BAG6: variants seen among roughly 807,000 people sequenced by gnomAD.
BAG6 encodes large proline-rich protein BAG6.
A neutral mutation model predicts 121.0 loss-of-function variants in BAG6; 22 were observed. The ratio of observed to expected loss-of-function variants is 0.18; its 90% CI spans 0.13 to 0.26. BAG6 has a LOEUF of 0.26. BAG6 is among the 10% of genes least tolerant of loss of function. The pLI is 1.00. For missense variants in BAG6, 1,233 were observed against 1,537.7 expected (o/e 0.80, Z 3.31); for synonymous variants, 583 against 584.6 (o/e 1.00, Z 0.04).
At position 31,641,080 on chromosome 6, in the gene BAG6, G is replaced by A. The variant is rs1272838458; in HGVS notation, c.2787+24C>T. On this transcript the variant is annotated intron_variant, in intron 20 of 25. Transcript: ENST00000676615. The surrounding 1 kb of genome is among the most constrained non-coding windows in gnomAD (Gnocchi z 5.7). ...AAACCTCAGGAAACAAAAGGCTAAG[G>A]ATCTGGGGCTAGGTGGTGCTTACAA... 3.1e-6 allele frequency: 5 copies of A among 1,612,668 alleles called. No homozygotes were observed. The highest frequency in any genetic ancestry group is 4.2e-6 in the Non-Finnish European group (5 of 1,179,738).
At chr6:31,647,925 T>C in intron 6 of BAG6, 99 bp from the exon 7 acceptor site, 2 of 1,388,584 alleles carry the variant, frequency 1.4e-6, no homozygotes, top group Non-Finnish European at 1.9e-6. Context: ...CTAACTAGAC[T>C]CCCTGAAGGC....
Position 31,639,562 on chromosome 6 carries a change from T to C in BAG6, c.3331A>G (p.Ser1111Gly). 1 of 1,614,100 alleles carries C rather than the reference T, an allele frequency of 6.2e-7. No individual in the cohort carries two copies. Among genetic ancestry groups the C allele is most frequent in the African/African-American group, 1.3e-5 (1 of 75,036 alleles). The change falls in exon 25 of 26, where the codon AGC becomes GGC. Residue 1111 changes from serine (S) to glycine (G), a missense_variant. Around this residue, in one of 7 missense-constraint regions of BAG6, gnomAD observed 102 missense variants for 103.2 expected, o/e 0.99. Coordinates refer to ENST00000676615, the MANE Select transcript of BAG6 (RefSeq NM_001387994.1). Reference protein sequence around the residue: ...AKAAGARPLTSPESLSRDLEA... With the variant: ...AKAAGARPLTGPESLSRDLEA... ...AGGTCCCGGCTCAGGCTCTCGGGGCTCGTCAGGGGCCGAGCTCCGGCTGCC... is the reference window on the plus strand; with the variant it reads ...AGGTCCCGGCTCAGGCTCTCGGGGCCCGTCAGGGGCCGAGCTCCGGCTGCC...
chr6:31,651,532 C>G, intron 2 of BAG6, 124 bp downstream of exon 2: 1 of 807,902 alleles, frequency 1.2e-6, no homozygotes, highest in South Asian at 1.6e-5. Flanking sequence ...GGGCGTGACT[C>G]CATCTCAAAA....
chr6:31,649,263 G>A lies in BAG6; in HGVS notation c.359C>T (p.Pro120Leu). 4 of 1,613,098 alleles carry A rather than the reference G, an allele frequency of 2.5e-6. No individual in the cohort carries two copies. The highest frequency in any genetic ancestry group is 1.7e-5 in the Admixed American group (1 of 60,020). Residue 120 changes from proline to leucine, a missense_variant, in exon 4 of 26, where the codon CCT becomes CTT. Physicochemically the swap from Pro to Leu is moderately conservative, Grantham distance 98. Coordinates refer to ENST00000676615, the MANE Select transcript of BAG6 (RefSeq NM_001387994.1). The part of the protein sequence containing the change: ...GGGSPPGTRG[P>L]GASVHDRNAN... ...ATTCCGGTCATGAACAGAGGCCCCA[G>A]GCCCCCGAGTACCAGGGGGGGATCC...
chr6:31,652,056 G>T (rs1298261553), intron 1 of BAG6: 1 of 336,740 alleles, frequency 3.0e-6, no homozygotes, highest in Non-Finnish European at 5.7e-6. Flanking sequence ...AAGGAAGCAC[G>T]AGACCAGAGA....
chr6:31,643,649 G>A (rs564246822), intron 14 of BAG6, among the ~76,000 whole-genome samples: 3 of 147,826 alleles, frequency 2.0e-5, no homozygotes, highest in East Asian at 2.0e-4. Flanking sequence ...ACTTGAACCC[G>A]GGAGGCAGAG....
rs1786275384 is a variant in BAG6, at chr6:31,644,269, G to A, written c.1555+38C>T. 24 of 1,558,642 alleles carry A rather than the reference G, an allele frequency of 1.5e-5. No individual in the cohort carries two copies. The highest frequency in any genetic ancestry group is 2.0e-5 in the Non-Finnish European group (23 of 1,150,892). ...TGCCAGCCAGCTGCCACCATGGACTGTGCCCTACCTCCCAAGCCTCCCCTT... is the reference window on the plus strand; with the variant it reads ...TGCCAGCCAGCTGCCACCATGGACTATGCCCTACCTCCCAAGCCTCCCCTT... On this transcript the variant is annotated intron_variant, in intron 12 of 25. Coordinates refer to ENST00000676615, the MANE Select transcript of BAG6 (RefSeq NM_001387994.1). The surrounding 1 kb of genome is among the most constrained non-coding windows in gnomAD (Gnocchi z 4.9).
chr6:31,646,353 C>T (rs1353318806), intron 8 of BAG6, 41 bp downstream of exon 8: 2 of 1,600,826 alleles, frequency 1.2e-6, no homozygotes, highest in African/African-American at 1.3e-5. Context: ...TTTGGGAGTA[C>T]TGGGGCTGAG....
intron 5 of BAG6, 23 bp downstream of exon 5, chr6:31,648,888 G>A: frequency 6.5e-7 from 1 of 1,549,452 alleles, no homozygotes; most frequent in South Asian, 1.2e-5. Flanking sequence ...CCCCTTCCCT[G>A]ACCCTCGGAG....
intron 24 of BAG6, 104 bp from the exon 25 acceptor site, chr6:31,639,750 G>T: frequency 1.5e-6 from 2 of 1,305,788 alleles, no homozygotes; most frequent in African/African-American, 1.5e-5. Flanking sequence ...GAGTCTCCAT[G>T]CTAGTGGAGA....
At chr6:31,639,877 G>T in intron 24 of BAG6, 1 of 650,578 alleles carries the variant, frequency 1.5e-6, no homozygotes, top group Non-Finnish European at 2.6e-6. Context: ...AAAACGAAAG[G>T]CAGAAGGGGT....
intron 16 of BAG6, 71 bp downstream of exon 16, chr6:31,642,041 C>A: frequency 6.3e-7 from 1 of 1,594,498 alleles, no homozygotes; most frequent in Non-Finnish European, 8.6e-7. Flanking sequence ...GGCAACACCC[C>A]TAAACCAAGG....
chr6:31,643,471 C>T (rs1785009458), intron 14 of BAG6, among the ~76,000 whole-genome samples: 1 of 151,600 alleles, frequency 6.6e-6, no homozygotes, highest in East Asian at 1.9e-4. Flanking sequence ...AGCCTGTAAT[C>T]CCAGCACTTT....
chr6:31,646,624 A>G, intron 7 of BAG6, 101 bp from the exon 8 acceptor site: 1 of 1,488,850 alleles, frequency 6.7e-7, no homozygotes, highest in Non-Finnish European at 9.0e-7. Flanking sequence ...CTGGTCTCCC[A>G]GAGCCCTGGC....
At chr6:31,642,791 G>A (rs534660309) in intron 15 of BAG6, 38 bp downstream of exon 15, 7 of 1,601,626 alleles carry the variant, frequency 4.4e-6, no homozygotes, top group Non-Finnish European at 6.0e-6. Flanking sequence ...TGGGCCGGGG[G>A]ACAGGAAGAT....
Position 31,645,597 on chromosome 6 carries a change from C to A in BAG6, c.926G>T (p.Gly309Val), listed in dbSNP as rs1265030158. ...ATTDYNNNHE[G>V]REEDQRLINL... ...GATCAACCGCTGATCCTCCTCCCGG[C>A]CCTCGTGCTGCGCACAACCAGCCAA... Residue 309 changes from glycine (G) to valine (V), a missense_variant, in exon 9 of 26, where the codon GGC becomes GTC. Around this residue, in one of 7 missense-constraint regions of BAG6, gnomAD observed 777 missense variants for 861.4 expected, o/e 0.90. Transcript: ENST00000676615. The A allele has an allele frequency of 6.2e-7, 1 of 1,613,070 alleles. No homozygotes were observed. The highest frequency in any genetic ancestry group is 1.1e-5 in the South Asian group (1 of 91,068).
chr6:31,644,855 C>G lies in BAG6; in HGVS notation c.1369+91G>C. ...CCCAGGCTACCACCACCAGCATGTG[C>G]CTCTCCCTTCCCCACCCTGTTCCCT... On this transcript the variant is annotated intron_variant, in intron 10 of 25. Transcript: ENST00000676615. The surrounding 1 kb of genome is among the most constrained non-coding windows in gnomAD (Gnocchi z 4.9). 2 of 1,521,560 alleles carry G rather than the reference C, an allele frequency of 1.3e-6. No individual in the cohort carries two copies. The highest frequency in any genetic ancestry group is 1.8e-6 in the Non-Finnish European group (2 of 1,132,522). 94.3% of individuals were successfully genotyped at this position (1,521,560 alleles called of 1,614,324 possible).
chr6:31,647,705 C>G lies in BAG6; in HGVS notation c.674G>C (p.Arg225Pro). 1 of 1,603,302 alleles carries G rather than the reference C, an allele frequency of 6.2e-7. No individual in the cohort carries two copies. The highest frequency in any genetic ancestry group is 1.1e-5 in the South Asian group (1 of 89,600). Residue 225 changes from arginine (R) to proline (P), a missense_variant, in exon 7 of 26, where the codon CGG becomes CCG. This residue lies in a region of BAG6 where 777 missense variants were observed against 861.4 expected (regional missense o/e 0.90). Transcript: ENST00000676615. ...SEPVESEAPPREPMEAEEVEE... is the reference protein window; with the variant it reads ...SEPVESEAPPPEPMEAEEVEE... ...CACTTCTTCTGCCTCCATGGGCTCC[C>G]GGGGAGGTGCTTCACTTTCAACTGG...
Position 31,646,426 on chromosome 6 carries a change from C to T in BAG6, c.886G>A (p.Gly296Ser). The T allele has an allele frequency of 6.2e-7, 1 of 1,612,946 alleles. No individual in the cohort carries two copies. Among genetic ancestry groups the T allele is most frequent in the Non-Finnish European group, 8.5e-7 (1 of 1,179,988 alleles). The change falls in exon 8 of 26, where the codon GGT becomes AGT. Residue 296 changes from glycine (G) to serine (S), a missense_variant. Gly to Ser is a moderately conservative substitution (Grantham distance 56, BLOSUM62 0). This residue lies in a region of BAG6 where 777 missense variants were observed against 861.4 expected (regional missense o/e 0.90). Coordinates refer to ENST00000676615, the MANE Select transcript of BAG6 (RefSeq NM_001387994.1). ...PFLQRYYEVL[G>S]AAATTDYNNN... is the part of the protein sequence containing the mutation. ...TTGTAGTCCGTGGTGGCAGCAGCACCCAGAACCTCGTAGTAGCGCTGCAAG... is the reference window on the plus strand; with the variant it reads ...TTGTAGTCCGTGGTGGCAGCAGCACTCAGAACCTCGTAGTAGCGCTGCAAG...
Sources: allele counts gnomAD v4.1 joint callset (sites outside exome capture counted in the v4.1 genomes callset), GRCh38; gene constraint gnomAD v4.1.1; regional missense constraint gnomAD v4.1.1; non-coding constraint Gnocchi (gnomAD v3.1); transcripts MANE v1.5; gene names NCBI Gene and HGNC (gene_info 2026-07-23, HGNC 2026-07-21).